Variants in PTPRD observed in about 807,000 individuals in gnomAD.
PTPRD encodes the protein protein tyrosine phosphatase receptor type D.
PTPRD carries 34 observed loss-of-function variants against 214.5 expected under a neutral mutation model. The ratio of observed to expected loss-of-function variants is 0.16; its 90% CI spans 0.12 to 0.21. The LOEUF (loss-of-function observed/expected upper bound fraction) is 0.21, where lower values mean the gene tolerates loss of function less well. Ranked by LOEUF, PTPRD falls within the 10% of genes least tolerant of loss-of-function variation. The pLI, the probability that PTPRD is intolerant of heterozygous loss-of-function variation, is 1.00. For missense variants in PTPRD, 2,545 were observed against 2,398.7 expected (o/e 1.06, Z -1.27); for synonymous variants, 1,128 against 845.7 (o/e 1.33, Z -5.79).
chr9:9,038,507 T>G (rs2099628987), intron 10 of PTPRD, among the ~76,000 whole-genome samples: 1 of 151,838 alleles, frequency 6.6e-6, no homozygotes, highest in Admixed American at 6.6e-5. Context: ...ATTCTTCACT[T>G]TAAGTGGGGG....
At chr9:10,548,738 G>A (rs1472295708) in intron 2 of PTPRD, among the ~76,000 whole-genome samples, 1 of 14,982 alleles carries the variant, frequency 6.7e-5, no homozygotes, top group Admixed American at 9.1e-4. Flanking sequence ...GATTAACTTT[G>A]AGCAACATCT....
chr9:10,415,345 C>T (rs1003222655), intron 2 of PTPRD, among the ~76,000 whole-genome samples: 6 of 151,710 alleles, frequency 4.0e-5, no homozygotes, highest in African/African-American at 1.5e-4. Flanking sequence ...TACAATATTT[C>T]TGGTAAAATT....
At chr9:8,707,113 A>G (rs1411184054) in intron 12 of PTPRD, among the ~76,000 whole-genome samples, 2 of 152,224 alleles carry the variant, frequency 1.3e-5, no homozygotes, top group African/African-American at 2.4e-5. Flanking sequence ...GCTTTATCCA[A>G]ACTTTCTATT....
chr9:9,184,135 G>T (rs1405564311), intron 9 of PTPRD, among the ~76,000 whole-genome samples: 1 of 151,832 alleles, frequency 6.6e-6, no homozygotes, highest in East Asian at 1.9e-4. Flanking sequence ...TCATCTCATG[G>T]GGAGAGACTT....
intron 10 of PTPRD, among the ~76,000 whole-genome samples, chr9:9,085,649 C>T (rs535437489): frequency 1.0e-3 from 155 of 151,638 alleles, no homozygotes; most frequent in African/African-American, 3.6e-3. Flanking sequence ...AGGGTTAATG[C>T]TCTTTTTTTT....
chr9:10,162,463 T>C (rs1427003600), intron 3 of PTPRD, among the ~76,000 whole-genome samples: 1 of 150,906 alleles, frequency 6.6e-6, no homozygotes, highest in Admixed American at 6.6e-5. Flanking sequence ...ATATATCACA[T>C]ATTCTCACTC....
At chr9:8,353,959 TA>T (rs2076320982) in intron 39 of PTPRD, among the ~76,000 whole-genome samples, 6 of 111,830 alleles carry the variant, frequency 5.4e-5, no homozygotes, top group East Asian at 2.4e-4. Context: ...TATATATATA[TA>T]TATGTTTTTT....
At chr9:8,436,370 G>C (rs1285325632) in intron 35 of PTPRD, among the ~76,000 whole-genome samples, 1 of 152,058 alleles carries the variant, frequency 6.6e-6, no homozygotes, top group African/African-American at 2.4e-5. Context: ...CATAATCTCA[G>C]CAAGTAATAT....
At chr9:8,930,395 T>C (rs1432460068) in intron 11 of PTPRD, among the ~76,000 whole-genome samples, 1 of 152,192 alleles carries the variant, frequency 6.6e-6, no homozygotes, top group Non-Finnish European at 1.5e-5. Flanking sequence ...AAGTCTTTGC[T>C]ATTGTGAATA....
intron 27 of PTPRD, chr9:8,486,596 G>T (rs2097019178): frequency 1.6e-6 from 1 of 639,612 alleles, no homozygotes; most frequent in Admixed American, 2.2e-5. Flanking sequence ...TGAAACAACA[G>T]CTTAAGGGGA....
At chr9:8,749,273 C>T (rs984729487) in intron 11 of PTPRD, among the ~76,000 whole-genome samples, 17 of 152,222 alleles carry the variant, frequency 1.1e-4, no homozygotes, top group African/African-American at 2.2e-4. Context: ...TTTCCGCCTC[C>T]GGGTTCAAGC....
intron 5 of PTPRD, among the ~76,000 whole-genome samples, chr9:9,859,962 G>A (rs1161292859): frequency 6.6e-6 from 1 of 152,148 alleles, no homozygotes; most frequent in Non-Finnish European, 1.5e-5. Flanking sequence ...TTTAAAAAGT[G>A]TTTATCACAA....
Position 10,201,729 on chromosome 9 carries a change from G to A in PTPRD, c.-545+139234C>T, listed in dbSNP as rs149313490. On this transcript the variant is annotated intron_variant, in intron 3 of 45. Coordinates refer to ENST00000381196, the MANE Select transcript of PTPRD (RefSeq NM_002839.4). ...TAGCTTGATTGAATCATTCAACAAA[G>A]CAAACATATATGTAAGCATCACATT... 1.3e-3 allele frequency among the ~76,000 whole-genome samples: 192 copies of A among 152,056 alleles called. 6 individuals are homozygous for A. In the South Asian group the frequency reaches 0.037, roughly 29 times the overall value.
chr9:8,770,824 C>A (rs1234800266), intron 11 of PTPRD, among the ~76,000 whole-genome samples: 1 of 152,124 alleles, frequency 6.6e-6, no homozygotes, highest in Non-Finnish European at 1.5e-5. Context: ...AACCTGAAAA[C>A]TTTAAGATGT....
chr9:9,003,592 C>T (rs1193296289), intron 11 of PTPRD, among the ~76,000 whole-genome samples: 1 of 152,010 alleles, frequency 6.6e-6, no homozygotes, highest in South Asian at 2.1e-4. Flanking sequence ...GCCAGTTAAA[C>T]AGTCATCTAA....
intron 10 of PTPRD, among the ~76,000 whole-genome samples, chr9:9,077,655 T>A (rs2099753221): frequency 6.6e-6 from 1 of 152,076 alleles, no homozygotes; most frequent in African/African-American, 2.4e-5. Flanking sequence ...TATAGCTTAA[T>A]GCACCCTGAT....
At chr9:8,774,549 T>C (rs1565955064) in intron 11 of PTPRD, among the ~76,000 whole-genome samples, 1 of 71,258 alleles carries the variant, frequency 1.4e-5, no homozygotes, top group Non-Finnish European at 3.0e-5. Flanking sequence ...TTTTTTTTTT[T>C]TTGAAACGGA....
chr9:9,792,975 C>A lies in PTPRD; in HGVS notation c.-367-26124G>T, dbSNP rs570852397. Among the ~76,000 whole-genome samples the A allele has an allele frequency of 8.5e-5, 13 of 152,100 alleles. No individual in the cohort carries two copies. In the South Asian group the frequency reaches 2.7e-3, roughly 32 times the overall value. ...AACAGGTATTTTGAATAATCAACACCTCTGAGAGCATATACCAAATTTAAA... is the reference window on the plus strand; with the variant it reads ...AACAGGTATTTTGAATAATCAACACATCTGAGAGCATATACCAAATTTAAA... On this transcript the variant is annotated intron_variant, in intron 5 of 45. Transcript: ENST00000381196.
At chr9:10,126,186 T>C (rs1021376525) in intron 3 of PTPRD, among the ~76,000 whole-genome samples, 1 of 152,126 alleles carries the variant, frequency 6.6e-6, no homozygotes, top group Non-Finnish European at 1.5e-5. Flanking sequence ...ATACTGTTAT[T>C]ACAGTTGAGA....
Sources: allele counts gnomAD v4.1 joint callset (sites outside exome capture counted in the v4.1 genomes callset), GRCh38; gene constraint gnomAD v4.1.1; transcripts MANE v1.5; gene names NCBI Gene and HGNC (gene_info 2026-07-23, HGNC 2026-07-21).